Variants in ZNF423 observed in about 807,000 individuals in gnomAD.
ZNF423 encodes zinc finger protein 423, also known as Ebf-associated zinc finger protein.
In ZNF423, 12 loss-of-function variants were observed where a neutral mutation model predicts 95.8. That is an observed-to-expected ratio of 0.13 (90% CI 0.08 to 0.20). ZNF423 has a LOEUF of 0.20. Among genes scored for constraint, ZNF423 ranks in the 10% least tolerant of loss-of-function variants. The pLI, the probability that ZNF423 is intolerant of heterozygous loss-of-function variation, is 1.00. For missense variants in ZNF423, 1,316 were observed against 1,737.1 expected (o/e 0.76, Z 4.31); for synonymous variants, 749 against 711.9 (o/e 1.05, Z -0.83).
At chr16:49,491,435 G>A (rs1006751496) in intron 7 of ZNF423, 131 bp from the exon 8 acceptor site, 6 of 1,165,628 alleles carry the variant, frequency 5.1e-6, no homozygotes, top group Non-Finnish European at 7.5e-6. Context: ...AATGCAACAA[G>A]GAAAAAGTGC....
intron 3 of ZNF423, among the ~76,000 whole-genome samples, chr16:49,720,086 C>T (rs918254180): frequency 2.0e-5 from 3 of 152,184 alleles, no homozygotes; most frequent in Non-Finnish European, 4.4e-5. Context: ...CCACCTTCCA[C>T]CTCCCAGAGC....
At chr16:49,750,737 G>C (rs1167299962) in intron 2 of ZNF423, among the ~76,000 whole-genome samples, 3 of 152,230 alleles carry the variant, frequency 2.0e-5, no homozygotes, top group Non-Finnish European at 4.4e-5. Flanking sequence ...AATCATTGCT[G>C]TGAGTGATCA....
At chr16:49,571,406 C>G (rs576000078) in intron 5 of ZNF423, among the ~76,000 whole-genome samples, 2 of 152,186 alleles carry the variant, frequency 1.3e-5, no homozygotes, top group East Asian at 3.9e-4. Context: ...GACAAAGGGG[C>G]AGCTGCTCCG....
At chr16:49,713,829 A>T (rs1425915507) in intron 3 of ZNF423, among the ~76,000 whole-genome samples, 1 of 152,208 alleles carries the variant, frequency 6.6e-6, no homozygotes, top group Non-Finnish European at 1.5e-5. Flanking sequence ...AAAGTCAGTG[A>T]TCAGACACGC....
chr16:49,673,641 C>A (rs908726875), intron 3 of ZNF423, among the ~76,000 whole-genome samples: 2 of 152,266 alleles, frequency 1.3e-5, no homozygotes, highest in African/African-American at 2.4e-5. Context: ...ACGTGTGTCA[C>A]ATGCACATGC....
intron 2 of ZNF423, among the ~76,000 whole-genome samples, chr16:49,761,092 C>G (rs1330976082): frequency 6.6e-6 from 1 of 151,996 alleles, no homozygotes; most frequent in Non-Finnish European, 1.5e-5. Context: ...TCTGAGAAGG[C>G]CCTTTGCCTC....
intron 4 of ZNF423, among the ~76,000 whole-genome samples, chr16:49,628,424 A>G (rs1972382560): frequency 6.6e-6 from 1 of 151,170 alleles, no homozygotes; most frequent in Non-Finnish European, 1.5e-5. Context: ...CCATCCACGC[A>G]TACACCCACC....
At chr16:49,493,117 G>A (rs767174513) in intron 7 of ZNF423, among the ~76,000 whole-genome samples, 5 of 152,070 alleles carry the variant, frequency 3.3e-5, no homozygotes, top group Admixed American at 6.6e-5. Context: ...CCCTCCAGCC[G>A]TGGCACCTCT....
At chr16:49,667,405 G>A (rs1434829502) in intron 3 of ZNF423, among the ~76,000 whole-genome samples, 1 of 152,198 alleles carries the variant, frequency 6.6e-6, no homozygotes, top group Non-Finnish European at 1.5e-5. Flanking sequence ...GTGAGGAAGG[G>A]GAGAATTTTA....
chr16:49,498,043 G>A (rs1057283699), intron 7 of ZNF423, among the ~76,000 whole-genome samples: 3 of 152,192 alleles, frequency 2.0e-5, no homozygotes, highest in Non-Finnish European at 4.4e-5. Flanking sequence ...GTGTGTGAGA[G>A]CTTGAGAGAT....
chr16:49,682,545 G>A (rs1263943645), intron 3 of ZNF423, among the ~76,000 whole-genome samples: 1 of 152,242 alleles, frequency 6.6e-6, no homozygotes, highest in Non-Finnish European at 1.5e-5. Flanking sequence ...TCCCAGGAGA[G>A]GCCTTGCATC....
chr16:49,617,095 G>C (rs1241613827), intron 5 of ZNF423, among the ~76,000 whole-genome samples: 2 of 152,126 alleles, frequency 1.3e-5, no homozygotes, highest in Non-Finnish European at 2.9e-5. Context: ...TCCACTGCTG[G>C]GGGGCAGACA....
intron 3 of ZNF423, among the ~76,000 whole-genome samples, chr16:49,689,118 G>A (rs551324501): frequency 3.3e-4 from 51 of 152,246 alleles, no homozygotes; most frequent in African/African-American, 1.1e-3. Context: ...GTGTTTACCC[G>A]GGGCATGGGT....
intron 1 of ZNF423, among the ~76,000 whole-genome samples, chr16:49,833,439 G>A (rs911953709): frequency 6.6e-6 from 1 of 152,182 alleles, no homozygotes; most frequent in Non-Finnish European, 1.5e-5. Context: ...ATACAAACAG[G>A]GCTGTTAAAT....
chr16:49,532,153 C>T (rs1250911055), intron 5 of ZNF423, among the ~76,000 whole-genome samples: 4 of 152,182 alleles, frequency 2.6e-5, no homozygotes, highest in Non-Finnish European at 5.9e-5. Flanking sequence ...GAAAAATCGT[C>T]AGCAATGAAA....
At chr16:49,782,864 C>G (rs1000849221) in intron 2 of ZNF423, among the ~76,000 whole-genome samples, 2 of 151,766 alleles carry the variant, frequency 1.3e-5, no homozygotes, top group Admixed American at 6.6e-5. Context: ...TGGTACATGC[C>G]TGTAATTCCA....
At chr16:49,851,206 T>G (rs1023303691) in intron 1 of ZNF423, among the ~76,000 whole-genome samples, 2 of 152,178 alleles carry the variant, frequency 1.3e-5, no homozygotes, top group Non-Finnish European at 1.5e-5. Context: ...CACTACAGAA[T>G]GGACAGAAAT....
At chr16:49,769,747 C>T (rs1467278954) in intron 2 of ZNF423, among the ~76,000 whole-genome samples, 2 of 149,378 alleles carry the variant, frequency 1.3e-5, no homozygotes, top group South Asian at 2.2e-4. Flanking sequence ...TGACCTCACG[C>T]TCCCCCCACC....
At chr16:49,584,972 C>T (rs982272946) in intron 5 of ZNF423, among the ~76,000 whole-genome samples, 5 of 152,142 alleles carry the variant, frequency 3.3e-5, no homozygotes, top group African/African-American at 1.2e-4. Context: ...AGCCTCCTCC[C>T]CGGCACTCAC....
Sources: gnomAD v4.1 joint callset for allele counts (sites outside exome capture counted in the v4.1 genomes callset) on GRCh38, gnomAD v4.1.1 for gene constraint, MANE v1.5 for transcripts, NCBI Gene and HGNC (gene_info 2026-07-23, HGNC 2026-07-21) for gene names.